The following OR56A3 variants were observed in gnomAD, a reference collection of about 807,000 sequenced individuals.
OR56A3 encodes the protein olfactory receptor 56A3.
Under a neutral mutation model 17.5 loss-of-function variants are expected in OR56A3, and 23 were observed. That is an observed-to-expected ratio of 1.32 (90% confidence interval 0.95 to 1.87). The LOEUF (loss-of-function observed/expected upper bound fraction) is 1.87, where lower values mean the gene tolerates loss of function less well. Ranked by LOEUF, OR56A3 falls within the 40% of genes most tolerant of loss-of-function variation. The pLI is 0.00. For missense variants in OR56A3, 366 were observed against 380.1 expected (o/e 0.96, Z 0.31); for synonymous variants, 175 against 150.6 (o/e 1.16, Z -1.19).
chr11:6,010,870 G>A, the OR56A3 span, among the ~76,000 whole-genome samples: 1 of 150,774 alleles, frequency 6.6e-6, no homozygotes, highest in Non-Finnish European at 1.5e-5. Context: ...TGTGTGAGTG[G>A]TTTCTTTTGT....
chr11:5,997,437 T>C, the OR56A3 span, among the ~76,000 whole-genome samples: 1 of 152,190 alleles, frequency 6.6e-6, no homozygotes, highest in African/African-American at 2.4e-5. Context: ...CTACCCCCTC[T>C]GAGGTTCCAG....
the OR56A3 span, chr11:5,968,336 A>C: frequency 6.2e-6 from 10 of 1,613,396 alleles, no homozygotes; most frequent in African/African-American, 1.3e-5. Context: ...AGGCTTCCAG[A>C]TAGATGGTGA....
the OR56A3 span, among the ~76,000 whole-genome samples, chr11:5,963,068 T>C: frequency 6.6e-6 from 1 of 152,152 alleles, no homozygotes; most frequent in East Asian, 1.9e-4. Flanking sequence ...CTGATCTTAT[T>C]TAAGTCTTTT....
the OR56A3 span, among the ~76,000 whole-genome samples, chr11:5,976,712 C>A: frequency 7.9e-5 from 12 of 151,506 alleles, 1 homozygote. Context: ...CTTCGCTTGT[C>A]TTTTTTTTCA....
chr11:5,982,841 C>T, the OR56A3 span, among the ~76,000 whole-genome samples: 1 of 152,104 alleles, frequency 6.6e-6, no homozygotes, highest in Admixed American at 6.5e-5. Context: ...GTGGGCCACA[C>T]ATTGCCTATT....
the OR56A3 span, among the ~76,000 whole-genome samples, chr11:5,977,080 T>A: frequency 6.6e-6 from 1 of 152,350 alleles, no homozygotes; most frequent in East Asian, 1.9e-4. Context: ...TTCCATGGTG[T>A]ATATGTAACA....
the OR56A3 span, among the ~76,000 whole-genome samples, chr11:5,969,543 A>G: frequency 6.6e-6 from 1 of 152,188 alleles, no homozygotes; most frequent in African/African-American, 2.4e-5. Context: ...ATTTGATTCC[A>G]TTCACCTTGA....
chr11:5,998,887 T>C, the OR56A3 span, among the ~76,000 whole-genome samples: 2 of 152,194 alleles, frequency 1.3e-5, no homozygotes, highest in Non-Finnish European at 2.9e-5. Flanking sequence ...GATTATTGTG[T>C]CATGCTCTCT....
chr11:5,994,133 C>A, the OR56A3 span: 1 of 500,356 alleles, frequency 2.0e-6, no homozygotes. Flanking sequence ...AGCTCCGACT[C>A]CAGGTGCAGC....
At chr11:6,002,202 G>A in the OR56A3 span, 657 of 1,614,194 alleles carry the variant, frequency 4.1e-4, 1 homozygote, top group Admixed American at 5.0e-5. Flanking sequence ...GGCCAGGTTA[G>A]TGATGACCAG....
the OR56A3 span, chr11:6,002,186 C>T: frequency 6.2e-7 from 1 of 1,614,186 alleles, no homozygotes; most frequent in Non-Finnish European, 8.5e-7. Flanking sequence ...GAGGAATTCT[C>T]TTCCTGGCCA....
chr11:5,964,585 T>C, the OR56A3 span, among the ~76,000 whole-genome samples: 5 of 152,104 alleles, frequency 3.3e-5, no homozygotes, highest in Admixed American at 6.5e-5. Flanking sequence ...TGGCACAGCA[T>C]TGGGGTGCAC....
At chr11:5,986,113 C>T in the OR56A3 span, 2 of 1,613,894 alleles carry the variant, frequency 1.2e-6, no homozygotes, top group East Asian at 2.2e-5. Flanking sequence ...GGAGAAAATT[C>T]CAGGGACATA....
chr11:5,993,546 G>A, the OR56A3 span, among the ~76,000 whole-genome samples: 2 of 152,098 alleles, frequency 1.3e-5, no homozygotes, highest in Non-Finnish European at 2.9e-5. Context: ...TCTCAAAGGT[G>A]AGAATTAAAT....
At chr11:6,008,604 T>C in the OR56A3 span, among the ~76,000 whole-genome samples, 1 of 151,954 alleles carries the variant, frequency 6.6e-6, no homozygotes, top group Non-Finnish European at 1.5e-5. Flanking sequence ...TGTTAGAGAC[T>C]CTCAGAACCA....
chr11:6,009,474 T>C, the OR56A3 span, among the ~76,000 whole-genome samples: 5 of 152,186 alleles, frequency 3.3e-5, no homozygotes, highest in Admixed American at 3.3e-4. Context: ...TTGACAAGTA[T>C]TTTACATGTG....
At chr11:5,978,169 G>A in the OR56A3 span, among the ~76,000 whole-genome samples, 374 of 152,200 alleles carry the variant, frequency 2.5e-3, 3 homozygotes, top group African/African-American at 8.6e-3. Flanking sequence ...TTGTGCTTAG[G>A]ATCACTTTGG....
chr11:6,009,311 C>T, the OR56A3 span, among the ~76,000 whole-genome samples: 2 of 152,144 alleles, frequency 1.3e-5, no homozygotes, highest in Non-Finnish European at 2.9e-5. Context: ...ACAAATGAAG[C>T]TGTAAATCCA....
At chr11:6,019,951 A>T in the OR56A3 span, 1 of 152,130 alleles carries the variant, frequency 6.6e-6, no homozygotes, top group African/African-American at 2.4e-5. Flanking sequence ...AGGTTTAAGG[A>T]AAGTCTCTCA....
Sources: gnomAD v4.1 joint callset for allele counts (sites outside exome capture counted in the v4.1 genomes callset) on GRCh38, gnomAD v4.1.1 for gene constraint, MANE v1.5 for transcripts, NCBI Gene and HGNC (gene_info 2026-07-23, HGNC 2026-07-21) for gene names.